The following C13orf42 variants were observed in gnomAD, a reference collection of about 807,000 sequenced individuals.
The protein encoded by C13orf42 is uncharacterized protein C13orf42.
chr13:51,120,917 G>A (rs893116099), intron 1 of C13orf42, among the ~76,000 whole-genome samples: 1 of 152,176 alleles, frequency 6.6e-6, no homozygotes, highest in African/African-American at 2.4e-5. Context: ...GAGAGGCTGA[G>A]GCAGGAGAAT....
chr13:51,108,448 C>T (rs1953386497), intron 1 of C13orf42, among the ~76,000 whole-genome samples: 1 of 152,148 alleles, frequency 6.6e-6, no homozygotes, highest in Admixed American at 6.5e-5. Flanking sequence ...GCACAGAGAC[C>T]CAGGCAGCCA....
At chr13:51,172,008 G>A (rs1156616520) in intron 1 of C13orf42, 3 of 152,060 alleles carry the variant, frequency 2.0e-5, no homozygotes, top group Non-Finnish European at 4.4e-5. Context: ...TACCATAATA[G>A]AAAAAAGTTG....
chr13:51,113,055 T>G (rs1953450666), upstream of C13orf42: 1 of 152,198 alleles, frequency 6.6e-6, no homozygotes. Context: ...ACAATTACGC[T>G]TATTCTACAT....
chr13:51,123,612 T>G lies in C13orf42; in HGVS notation n.137-10390A>C, dbSNP rs1458510030. On this transcript the variant is annotated intron_variant and non_coding_transcript_variant, in intron 1 of 4. Transcript: ENST00000433280. Reference sequence around the variant, plus strand: ...ATTCAAACCATTTCTCCCTTTTAGTTCAATGTCAGCTCACATGGGGCAGGA... The same window carrying G: ...ATTCAAACCATTTCTCCCTTTTAGTGCAATGTCAGCTCACATGGGGCAGGA... Among the ~76,000 whole-genome samples the G allele has an allele frequency of 2.0e-5, 3 of 152,224 alleles. No homozygotes were observed. In the South Asian group the frequency reaches 6.2e-4, roughly 31 times the overall value.
chr13:51,135,286 G>A (rs1384466535), intron 1 of C13orf42, among the ~76,000 whole-genome samples: 1 of 152,188 alleles, frequency 6.6e-6, no homozygotes, highest in Non-Finnish European at 1.5e-5. Context: ...AATGAGAGAA[G>A]GTGCTAAGAT....
chr13:51,089,289 A>G (rs1277447241), intron 1 of C13orf42, among the ~76,000 whole-genome samples: 1 of 152,176 alleles, frequency 6.6e-6, no homozygotes, highest in African/African-American at 2.4e-5. Context: ...TATCAAAGGA[A>G]AGCTCTAAGA....
At chr13:51,161,464 C>T (rs1953863715) in intron 1 of C13orf42, among the ~76,000 whole-genome samples, 1 of 152,100 alleles carries the variant, frequency 6.6e-6, no homozygotes, top group Non-Finnish European at 1.5e-5. Flanking sequence ...CATACACAAA[C>T]CAACCAATCC....
chr13:51,171,784 T>C (rs1276077917), intron 1 of C13orf42, among the ~76,000 whole-genome samples: 1 of 152,150 alleles, frequency 6.6e-6, no homozygotes, highest in African/African-American at 2.4e-5. Flanking sequence ...AGGCTCTTTT[T>C]CATCAAATAT....
At chr13:51,108,602 T>A (rs1296710210) in intron 1 of C13orf42, among the ~76,000 whole-genome samples, 1 of 152,198 alleles carries the variant, frequency 6.6e-6, no homozygotes, top group Admixed American at 6.5e-5. Flanking sequence ...TCAGAGTCAG[T>A]GAACGCTGGA....
intron 1 of C13orf42, among the ~76,000 whole-genome samples, chr13:51,169,534 C>T (rs1953929272): frequency 6.6e-6 from 1 of 152,334 alleles, no homozygotes; most frequent in African/African-American, 2.4e-5. Flanking sequence ...AAAGGCATTT[C>T]AGAGGTCTTT....
intron 1 of C13orf42, among the ~76,000 whole-genome samples, chr13:51,153,726 C>G (rs1402349477): frequency 6.8e-6 from 1 of 147,160 alleles, no homozygotes. Flanking sequence ...ACTGCAACCT[C>G]CGTCTCCTGA....
At chr13:51,153,797 C>T (rs1015469705) in intron 1 of C13orf42, among the ~76,000 whole-genome samples, 1 of 151,708 alleles carries the variant, frequency 6.6e-6, no homozygotes, top group African/African-American at 2.4e-5. Context: ...GCATTCCTAG[C>T]TAAGTTTTGT....
At chr13:51,169,787 C>T (rs2138056172) in intron 1 of C13orf42, among the ~76,000 whole-genome samples, 1 of 152,308 alleles carries the variant, frequency 6.6e-6, no homozygotes, top group African/African-American at 2.4e-5. Flanking sequence ...AGAGTTGAAG[C>T]TTGGAAGCCT....
chr13:51,149,116 C>G (rs1458488590), intron 1 of C13orf42, among the ~76,000 whole-genome samples: 1 of 152,060 alleles, frequency 6.6e-6, no homozygotes, highest in Non-Finnish European at 1.5e-5. Context: ...GAATTTCAAC[C>G]ACGCTGCTAA....
At chr13:51,140,352 C>T (rs912419461) in intron 1 of C13orf42, among the ~76,000 whole-genome samples, 3 of 152,160 alleles carry the variant, frequency 2.0e-5, no homozygotes, top group African/African-American at 7.2e-5. Flanking sequence ...CAGCACATGT[C>T]GTCAGGACTT....
intron 1 of C13orf42, among the ~76,000 whole-genome samples, chr13:51,150,201 A>G (rs1161748260): frequency 6.6e-6 from 1 of 152,106 alleles, no homozygotes. Context: ...CGTTTGTGGG[A>G]CCCCCACATT....
upstream of C13orf42, among the ~76,000 whole-genome samples, chr13:51,113,572 G>GTA (rs1361031209): frequency 8.2e-6 from 1 of 121,560 alleles, no homozygotes; most frequent in Non-Finnish European, 1.7e-5. Flanking sequence ...TATTTTGTGT[G>GTA]TGTGTGTGTG....
At chr13:51,089,439 G>C (rs1375083381) in intron 1 of C13orf42, among the ~76,000 whole-genome samples, 2 of 151,976 alleles carry the variant, frequency 1.3e-5, no homozygotes, top group African/African-American at 2.4e-5. Context: ...TTGGATCATG[G>C]GGGCGGTTTC....
intron 1 of C13orf42, among the ~76,000 whole-genome samples, chr13:51,149,797 T>A (rs2138037367): frequency 6.6e-6 from 1 of 152,304 alleles, no homozygotes; most frequent in Non-Finnish European, 1.5e-5. Flanking sequence ...TAAGCACCTC[T>A]CTTGTCCCTT....
Sources: allele counts gnomAD v4.1 joint callset (sites outside exome capture counted in the v4.1 genomes callset), GRCh38; gene constraint gnomAD v4.1.1; transcripts MANE v1.5; gene names NCBI Gene and HGNC (gene_info 2026-07-23, HGNC 2026-07-21).